ERAP1: variants seen among roughly 807,000 people sequenced by gnomAD.
The protein encoded by ERAP1 is endoplasmic reticulum aminopeptidase 1.
A neutral mutation model predicts 103.7 loss-of-function variants in ERAP1; 86 were observed. The observed-to-expected ratio is 0.83, with a 90% CI of 0.70 to 0.99. The LOEUF (loss-of-function observed/expected upper bound fraction) is 0.99, where lower values mean the gene tolerates loss of function less well. Ranked by LOEUF, ERAP1 falls within the 50% of genes least tolerant of loss-of-function variation. ERAP1 has a pLI of 0.00. For synonymous variants in ERAP1, 398 were observed against 402.4 expected, an observed-to-expected ratio of 0.99 and a Z score of 0.13; for missense variants, 1,009 against 1,128.4, an observed-to-expected ratio of 0.89 and a Z score of 1.52.
At chr5:96,894,145 A>G in the ERAP1 span, among the ~76,000 whole-genome samples, 1 of 152,226 alleles carries the variant, frequency 6.6e-6, no homozygotes, top group Non-Finnish European at 1.5e-5. Flanking sequence ...TGTATTTCTA[A>G]CATATGGCAT....
the ERAP1 span, among the ~76,000 whole-genome samples, chr5:96,889,005 A>G: frequency 0.024 from 3,582 of 152,300 alleles, 68 homozygotes; most frequent in Middle Eastern, 0.095. Flanking sequence ...GTAATTTTCA[A>G]GACTGACTTT....
At chr5:96,808,053 G>C, upstream of ERAP1, 1 of 985,546 alleles carries the variant, frequency 1.0e-6, no homozygotes, top group Non-Finnish European at 1.2e-6. Context: ...GGGTAAACGG[G>C]AGTGGGGCCG....
the ERAP1 span, chr5:96,915,731 A>G: frequency 6.2e-7 from 1 of 1,600,092 alleles, no homozygotes; most frequent in Admixed American, 1.7e-5. Flanking sequence ...CATCTCTGGC[A>G]CAACAGCTCA....
the ERAP1 span, among the ~76,000 whole-genome samples, chr5:96,866,356 G>A: frequency 6.6e-6 from 1 of 152,092 alleles, no homozygotes; most frequent in African/African-American, 2.4e-5. Context: ...CCAACTTTTA[G>A]GCTAATCTCT....
At chr5:96,768,416 C>T (rs760834800) in intron 19 of ERAP1, 68 of 456,312 alleles carry the variant, frequency 1.5e-4, no homozygotes, top group South Asian at 8.9e-4. Flanking sequence ...ATGAATCAAA[C>T]GATGATATAG....
rs1775914027 is a variant in ERAP1 at position 96,785,772 on chromosome 5, G to A, written c.1943+16C>T. 2 of 1,613,428 alleles carry A rather than the reference G, an allele frequency of 1.2e-6. No homozygotes were observed. The highest frequency in any genetic ancestry group is 1.7e-5 in the Admixed American group (1 of 59,978). On this transcript the variant is annotated intron_variant, in intron 13 of 18. Transcript: ENST00000443439. ...GCTTTCAGAAATAAACCGCGACTTT[G>A]TGCAGCGTGTATTACCTGACGAGCT...
chr5:96,765,029 T>G (rs992979060), intron 19 of ERAP1, among the ~76,000 whole-genome samples: 10 of 149,588 alleles, frequency 6.7e-5, no homozygotes, highest in Non-Finnish European at 8.9e-5. Context: ...TGACAGATAC[T>G]GCCGCTCTTC....
chr5:96,830,026 A>G, the ERAP1 span, among the ~76,000 whole-genome samples: 1 of 152,206 alleles, frequency 6.6e-6, no homozygotes, highest in Non-Finnish European at 1.5e-5. Context: ...AGTTAACAAG[A>G]TCTTGAAGAA....
intron 2 of ERAP1, among the ~76,000 whole-genome samples, chr5:96,803,126 T>C (rs547734592): frequency 1.3e-5 from 2 of 152,274 alleles, no homozygotes; most frequent in South Asian, 4.1e-4. Context: ...TCAGGAAAAT[T>C]AAACATGTTT....
the ERAP1 span, among the ~76,000 whole-genome samples, chr5:96,889,893 T>C: frequency 0.018 from 2,765 of 152,146 alleles, 103 homozygotes; most frequent in African/African-American, 0.063. Flanking sequence ...GAGGGATTTC[T>C]GGAGGAATCA....
chr5:96,787,111 A>C (rs173491), intron 11 of ERAP1, among the ~76,000 whole-genome samples: 58,754 of 152,002 alleles, frequency 0.39, 11,522 homozygotes, highest in East Asian at 0.47. Context: ...ATTAAATCCT[A>C]AGTCAGAATT....
the ERAP1 span, chr5:96,895,256 A>C: frequency 1.2e-6 from 2 of 1,607,878 alleles, no homozygotes; most frequent in East Asian, 2.2e-5. Context: ...TGGTTTGGCA[A>C]CCTGGTCACA....
At position 96,774,565 on chromosome 5, in the gene ERAP1, G is replaced by C; in HGVS notation, c.*1831C>G. The C allele has an allele frequency of 3.0e-6, 3 of 985,456 alleles. No homozygotes were observed. Among genetic ancestry groups the C allele is most frequent in the Non-Finnish European group, 3.6e-6 (3 of 829,664 alleles). 61.0% of individuals were successfully genotyped at this position (985,456 alleles called of 1,614,324 possible). On this transcript the variant is annotated 3_prime_UTR_variant, in exon 19 of 19. Transcript: ENST00000443439. Reference sequence around the variant, plus strand: ...AATATTGTATCTGTTTAGAAAATGGGCTTTTCCAAAAGCAAACAAAGATAG... The same window carrying C: ...AATATTGTATCTGTTTAGAAAATGGCCTTTTCCAAAAGCAAACAAAGATAG...
intron 11 of ERAP1, among the ~76,000 whole-genome samples, chr5:96,787,159 T>G (rs1386978631): frequency 1.3e-5 from 2 of 152,214 alleles, no homozygotes; most frequent in African/African-American, 4.8e-5. Flanking sequence ...TTTAGGACAA[T>G]TGGAAAAAGT....
chr5:96,909,138 A>C, the ERAP1 span: 1 of 1,610,048 alleles, frequency 6.2e-7, no homozygotes, highest in Non-Finnish European at 8.5e-7. Context: ...CTTTTAGAAA[A>C]TGTATTAAGT....
chr5:96,857,049 T>C, the ERAP1 span, among the ~76,000 whole-genome samples: 13 of 152,308 alleles, frequency 8.5e-5, no homozygotes, highest in East Asian at 2.1e-3. Flanking sequence ...TCCACTGAAC[T>C]ACTCCCCTGG....
At chr5:96,772,967 T>G (rs1773000899), downstream of ERAP1, 1 of 153,906 alleles carries the variant, frequency 6.5e-6, no homozygotes, top group Non-Finnish European at 1.5e-5. Flanking sequence ...TTGCACATTC[T>G]ACACACAGTG....
At chr5:96,827,018 T>G in the ERAP1 span, among the ~76,000 whole-genome samples, 19 of 152,204 alleles carry the variant, frequency 1.2e-4, no homozygotes, top group Non-Finnish European at 2.5e-4. Flanking sequence ...GAGGTGGTAT[T>G]GGAAAGGGGA....
chr5:96,925,207 C>G, the ERAP1 span, among the ~76,000 whole-genome samples: 1 of 152,198 alleles, frequency 6.6e-6, no homozygotes, highest in Admixed American at 6.5e-5. Flanking sequence ...ATAGTAACAG[C>G]AAATACATCT....
Sources: gnomAD v4.1 joint callset for allele counts (sites outside exome capture counted in the v4.1 genomes callset) on GRCh38, gnomAD v4.1.1 for gene constraint, MANE v1.5 for transcripts, NCBI Gene and HGNC (gene_info 2026-07-23, HGNC 2026-07-21) for gene names.